RPL6: variants seen among roughly 807,000 people sequenced by gnomAD.
RPL6 encodes large ribosomal subunit protein eL6.
RPL6 carries 1 observed loss-of-function variant against 32.1 expected under a neutral mutation model. The ratio of observed to expected loss-of-function variants is 0.03; its 90% CI spans 0.01 to 0.15. The LOEUF (loss-of-function observed/expected upper bound fraction) is 0.15. Ranked by LOEUF, RPL6 falls within the 10% of genes least tolerant of loss-of-function variation. The pLI is 1.00. For synonymous variants in RPL6, 126 were observed against 131.6 expected (o/e 0.96, Z 0.29); for missense variants, 275 against 354.6 (o/e 0.78, Z 1.80).
Position 112,405,833 on chromosome 12 carries a change from G to C in RPL6, c.714+20C>G, listed in dbSNP as rs1298867125. ...TAGAAGGGCCAGTGCTAACACAGGA[G>C]ATGACAAGTAGAAACTTACCTCTTT... On this transcript the variant is annotated intron_variant, in intron 6 of 6. Transcript: ENST00000202773. 1 of 1,599,286 alleles carries C rather than the reference G, an allele frequency of 6.3e-7. No individual in the cohort carries two copies. The highest frequency in any genetic ancestry group is 8.5e-7 in the Non-Finnish European group (1 of 1,172,024).
rs779389806 is a variant in RPL6, at chr12:112,408,343, A to G, written c.238-5T>C. 8.1e-6 allele frequency: 13 copies of G among 1,614,104 alleles called. No individual in the cohort carries two copies. The highest frequency in any genetic ancestry group is 1.3e-5 in the African/African-American group (1 of 75,028). ...CTCCTTCTTTTTCTTTTCAACCTAC[A>G]AGGACACAAATGCATCAACAGTAAG... On this transcript the variant is annotated splice_region_variant and splice_polypyrimidine_tract_variant and intron_variant, in intron 2 of 6. Coordinates refer to ENST00000202773, the MANE Select transcript of RPL6 (RefSeq NM_000970.6).
Position 112,408,504 on chromosome 12 carries a change from G to A in RPL6, c.153C>T (p.Val51=), listed in dbSNP as rs2037249900. The change falls in exon 2 of 7, where the codon GTC becomes GTT. Residue 51 remains valine, a synonymous_variant. Coordinates refer to ENST00000202773, the MANE Select transcript of RPL6 (RefSeq NM_000970.6). Reference sequence around the variant, plus strand: ...ATCGGGAATACCTGCCAATTCCTCTGACAAGGACAGGGTTGCGGCTGCAAT... The same window carrying A: ...ATCGGGAATACCTGCCAATTCCTCTAACAAGGACAGGGTTGCGGCTGCAAT... ...KPHCSRNPVL[V]RGIGRYSRSA... 6.2e-7 allele frequency: 1 copy of A among 1,613,604 alleles called. No homozygotes were observed. Among genetic ancestry groups the A allele is most frequent in the South Asian group, 1.1e-5 (1 of 91,082 alleles).
At chr12:112,417,943 G>T (rs1447302313) in intron 1 of RPL6, among the ~76,000 whole-genome samples, 1 of 152,016 alleles carries the variant, frequency 6.6e-6, no homozygotes, top group African/African-American at 2.4e-5. Flanking sequence ...GATTTCAGGC[G>T]TGTGCCACCG....
chr12:112,405,930 T>C lies in RPL6; in HGVS notation c.637A>G (p.Thr213Ala), dbSNP rs1332131484. 6.2e-7 allele frequency: 1 copy of C among 1,613,968 alleles called. No individual in the cohort carries two copies. The change falls in exon 6 of 7, where the codon ACT (threonine) becomes GCT (alanine). Residue 213 changes from threonine to alanine, a missense_variant. Physicochemically the swap from Thr to Ala is moderately conservative, Grantham distance 58. Transcript: ENST00000202773. ...ISNVKIPKHLTDAYFKKKKLR... is the reference protein window; with the variant it reads ...ISNVKIPKHLADAYFKKKKLR... ...TTCTTCTTCTTGAAGTAAGCATCAG[T>C]AAGATGTTTTGGGATTTTTACATTG...
upstream of RPL6, among the ~76,000 whole-genome samples, chr12:112,412,355 A>G (rs2037351422): frequency 6.9e-6 from 1 of 145,650 alleles, no homozygotes; most frequent in South Asian, 2.2e-4. Flanking sequence ...TTGTGTTTTT[A>G]TTGGAGACAG....
intron 4 of RPL6, chr12:112,406,545 A>C (rs1382084062): frequency 1.2e-6 from 1 of 824,200 alleles, no homozygotes; most frequent in South Asian, 1.8e-5. Context: ...AACATGTGTA[A>C]CATAATCAAC....
At chr12:112,409,883 G>A (rs959215739), upstream of RPL6, among the ~76,000 whole-genome samples, 2 of 151,906 alleles carry the variant, frequency 1.3e-5, no homozygotes, top group Non-Finnish European at 2.9e-5. Context: ...TGGGTGGTGC[G>A]TGTCTGTAAT....
chr12:112,406,304 T>C lies in RPL6; in HGVS notation c.519A>G (p.Leu173=). 2.5e-6 allele frequency: 4 copies of C among 1,613,274 alleles called. No homozygotes were observed. The highest frequency in any genetic ancestry group is 3.4e-6 in the Non-Finnish European group (4 of 1,179,266). The change falls in exon 5 of 7, where the codon TTA becomes TTG. Residue 173 remains leucine (L), a synonymous_variant. Coordinates refer to ENST00000202773, the MANE Select transcript of RPL6 (RefSeq NM_000970.6). ...CAAGGATTTTCTTACCAGTCACAAG[T>C]AATAAGCCACTAGCCAGCTGCTTCA... ...VFLKQLASGL[L]LVTGPLVLNR...
At chr12:112,410,161 GA>G (rs1291903763), upstream of RPL6, among the ~76,000 whole-genome samples, 3 of 151,712 alleles carry the variant, frequency 2.0e-5, no homozygotes, top group Admixed American at 1.3e-4. Flanking sequence ...AAGAAAAAAA[GA>G]AAAAAAATTA....
At chr12:112,416,956 C>T (rs1185257638) in intron 1 of RPL6, among the ~76,000 whole-genome samples, 1 of 152,128 alleles carries the variant, frequency 6.6e-6, no homozygotes, top group Non-Finnish European at 1.5e-5. Flanking sequence ...ATGAGACTCA[C>T]TTGTATATGA....
intron 1 of RPL6, 141 bp from the exon 2 acceptor site, chr12:112,408,797 A>C: frequency 1.4e-6 from 1 of 699,192 alleles, no homozygotes; most frequent in Admixed American, 3.0e-5. Context: ...TTCCTCTCAA[A>C]CTCTACCCAT....
chr12:112,406,649 T>C (rs537018421), intron 4 of RPL6, 98 bp downstream of exon 4: 4 of 1,461,802 alleles, frequency 2.7e-6, no homozygotes, highest in Non-Finnish European at 3.7e-6. Flanking sequence ...GCCCCAAACA[T>C]AGGTAAATAA....
At chr12:112,405,812 A>C in intron 6 of RPL6, 41 bp downstream of exon 6, 2 of 1,506,058 alleles carry the variant, frequency 1.3e-6, no homozygotes, top group Non-Finnish European at 1.8e-6. Context: ...CCCAGGTAGA[A>C]GGGCCAGTGC....
upstream of RPL6, among the ~76,000 whole-genome samples, chr12:112,413,023 T>A (rs1169588749): frequency 6.6e-6 from 1 of 152,116 alleles, no homozygotes; most frequent in Non-Finnish European, 1.5e-5. Flanking sequence ...AGTTTGTGTG[T>A]TTGTATATGT....
upstream of RPL6, among the ~76,000 whole-genome samples, chr12:112,413,995 G>A (rs1439330078): frequency 6.6e-6 from 1 of 152,208 alleles, no homozygotes; most frequent in African/African-American, 2.4e-5. Context: ...AGCATGAAGA[G>A]GCAGCCCCAG....
chr12:112,405,900 G>A lies in RPL6; in HGVS notation c.667C>T (p.Arg223Trp), dbSNP rs1378070270. 4 of 1,613,770 alleles carry A rather than the reference G, an allele frequency of 2.5e-6. No individual in the cohort carries two copies. Among genetic ancestry groups the A allele is most frequent in the Admixed American group, 1.7e-5 (1 of 59,920 alleles). The change falls in exon 6 of 7, where the codon CGG becomes TGG. Residue 223 changes from arginine to tryptophan, a missense_variant. Arg to Trp is a moderately radical substitution (Grantham distance 101). Transcript: ENST00000202773. ...TCACCTTCCTGGTGTCTGGGCTTCC[G>A]CAGCTTCTTCTTCTTGAAGTAAGCA... is the stretch of plus-strand genomic sequence containing the variant. ...TDAYFKKKKL[R>W]KPRHQEGEIF...
At chr12:112,417,419 A>G (rs940578016) in intron 1 of RPL6, among the ~76,000 whole-genome samples, 3 of 151,774 alleles carry the variant, frequency 2.0e-5, no homozygotes, top group African/African-American at 4.8e-5. Context: ...ACTCTTCTCA[A>G]TCTGGTCTGA....
upstream of RPL6, among the ~76,000 whole-genome samples, chr12:112,411,117 T>G (rs972937824): frequency 6.6e-6 from 1 of 152,214 alleles, no homozygotes; most frequent in Non-Finnish European, 1.5e-5. Context: ...TTCCAAAGAT[T>G]GCACTCTTAA....
intron 4 of RPL6, 188 bp from the exon 5 acceptor site, chr12:112,406,530 A>T (rs1594103820): frequency 1.2e-6 from 1 of 815,930 alleles, no homozygotes; most frequent in African/African-American, 1.7e-5. Context: ...GTTTTTGAGT[A>T]AATGAACATG....
Sources: allele counts gnomAD v4.1 joint callset (sites outside exome capture counted in the v4.1 genomes callset), GRCh38; gene constraint gnomAD v4.1.1; transcripts MANE v1.5; gene names NCBI Gene and HGNC (gene_info 2026-07-23, HGNC 2026-07-21).